The following PDE4D variants were observed in gnomAD, a reference collection of about 807,000 sequenced individuals.
The protein encoded by PDE4D is phosphodiesterase 4D.
A neutral mutation model predicts 87.4 loss-of-function variants in PDE4D; 24 were observed. The ratio of observed to expected loss-of-function variants is 0.27; its 90% CI spans 0.20 to 0.39. PDE4D has a LOEUF of 0.39. Ranked by LOEUF, PDE4D falls within the 10% of genes least tolerant of loss-of-function variation. PDE4D has a pLI of 1.00. For missense variants in PDE4D, 714 were observed against 1,041.0 expected (o/e 0.69, Z 4.32); for synonymous variants, 384 against 383.2 (o/e 1.00, Z -0.02).
chr5:59,154,060 G>C (rs1418498524), intron 5 of PDE4D, among the ~76,000 whole-genome samples: 1 of 152,140 alleles, frequency 6.6e-6, no homozygotes, highest in Non-Finnish European at 1.5e-5. Flanking sequence ...GGCTGGAGAG[G>C]AGGTACAATA....
At chr5:59,011,588 G>A (rs959749883) in intron 6 of PDE4D, among the ~76,000 whole-genome samples, 15 of 152,146 alleles carry the variant, frequency 9.9e-5, no homozygotes, top group Non-Finnish European at 2.1e-4. Context: ...AATGAAGCAA[G>A]AAGAGAAGTT....
intron 1 of PDE4D, among the ~76,000 whole-genome samples, chr5:59,487,797 G>A (rs1805413254): frequency 6.6e-6 from 1 of 152,144 alleles, no homozygotes; most frequent in Non-Finnish European, 1.5e-5. Context: ...CAGACGTTAG[G>A]AGGAGAAATA....
At chr5:59,683,470 T>C (rs1328539369) in intron 1 of PDE4D, among the ~76,000 whole-genome samples, 1 of 152,204 alleles carries the variant, frequency 6.6e-6, no homozygotes, top group Non-Finnish European at 1.5e-5. Flanking sequence ...TGGTGAATGC[T>C]TCAACTAGTT....
At chr5:59,080,506 A>G (rs1190061009) in intron 5 of PDE4D, among the ~76,000 whole-genome samples, 1 of 152,162 alleles carries the variant, frequency 6.6e-6, no homozygotes, top group Non-Finnish European at 1.5e-5. Context: ...ATGGTGAAGA[A>G]GTATCTCTCT....
chr5:59,855,932 CT>C (rs1395367050), intron 1 of PDE4D, among the ~76,000 whole-genome samples: 10 of 152,038 alleles, frequency 6.6e-5, no homozygotes, highest in Non-Finnish European at 1.2e-4. Flanking sequence ...TGCAGGCAAT[CT>C]TTTTTTCTGG....
chr5:60,366,146 C>T (rs1278857241), intron 1 of PDE4D, among the ~76,000 whole-genome samples: 1 of 151,962 alleles, frequency 6.6e-6, no homozygotes, highest in African/African-American at 2.4e-5. Flanking sequence ...ACTTGAGGAG[C>T]TGAGCAGGAA....
At chr5:60,400,169 A>G (rs1740931152) in intron 1 of PDE4D, among the ~76,000 whole-genome samples, 1 of 152,182 alleles carries the variant, frequency 6.6e-6, no homozygotes, top group South Asian at 2.1e-4. Flanking sequence ...CATACTCACT[A>G]CACAAGAATG....
At chr5:60,284,597 C>A (rs1449364926) in intron 1 of PDE4D, among the ~76,000 whole-genome samples, 1 of 152,062 alleles carries the variant, frequency 6.6e-6, no homozygotes, top group African/African-American at 2.4e-5. Flanking sequence ...AAAAGAGGCC[C>A]CGATGATATT....
intron 5 of PDE4D, among the ~76,000 whole-genome samples, chr5:59,112,682 T>C (rs1371575176): frequency 3.3e-5 from 5 of 152,172 alleles, no homozygotes; most frequent in African/African-American, 1.2e-4. Context: ...GAAGAATTTA[T>C]GGTTAGAGCA....
chr5:59,697,861 C>G (rs1007206255), intron 1 of PDE4D, among the ~76,000 whole-genome samples: 10 of 152,176 alleles, frequency 6.6e-5, no homozygotes, highest in Admixed American at 5.9e-4. Flanking sequence ...TGAATTGTCC[C>G]AATGGATCTA....
Position 59,564,573 on chromosome 5 carries a change from G to A in PDE4D, c.455+328595C>T, listed in dbSNP as rs1039254419. ...ACAATCTAGCCAGAAGGACACTCTC[G>A]CCAGCTAGAGCTCTGCATATCCAAA... On this transcript the variant is annotated intron_variant, in intron 1 of 14. Transcript: ENST00000340635. Among the ~76,000 whole-genome samples the A allele has an allele frequency of 5.3e-4, 81 of 152,274 alleles. 1 individual carries two copies. The highest frequency in any genetic ancestry group is 1.8e-3 in the African/African-American group (76 of 41,552).
chr5:59,298,790 AT>A (rs1335318626), intron 1 of PDE4D, among the ~76,000 whole-genome samples: 1 of 152,182 alleles, frequency 6.6e-6, no homozygotes, highest in Non-Finnish European at 1.5e-5. Context: ...AAAAATTTAA[AT>A]TTCCCCCTAT....
chr5:59,855,534 C>A (rs1745299951), intron 1 of PDE4D, among the ~76,000 whole-genome samples: 1 of 152,116 alleles, frequency 6.6e-6, no homozygotes, highest in Non-Finnish European at 1.5e-5. Flanking sequence ...TTATATCCCA[C>A]AGAAAAACCA....
At position 58,969,102 on chromosome 5, in the gene PDE4D, C is replaced by T. The variant is rs1477095221; in HGVS notation, c.*5562G>A. On this transcript the variant is annotated 3_prime_UTR_variant, in exon 15 of 15. Transcript: ENST00000340635. Reference sequence around the variant, plus strand: ...AATATCTTATCAGATTGAATTATATCCAATATCAATTTGATGGCTATATTC... The same window carrying T: ...AATATCTTATCAGATTGAATTATATTCAATATCAATTTGATGGCTATATTC... The T allele has an allele frequency of 6.6e-6, 1 of 152,114 alleles. No individual in the cohort carries two copies. The highest frequency in any genetic ancestry group is 2.4e-5 in the African/African-American group (1 of 41,420). The allele number at this position is 152,114 out of a possible 1,614,324, so 9.4% of individuals were successfully genotyped here. A position where few individuals can be genotyped will look rare whatever the true frequency, so the allele number is the denominator to read the frequency against.
intron 1 of PDE4D, among the ~76,000 whole-genome samples, chr5:59,554,641 T>C (rs374729982): frequency 1.2e-4 from 18 of 152,190 alleles, no homozygotes; most frequent in African/African-American, 4.3e-4. Context: ...GTGTCATCTA[T>C]GCTGAATCTC....
intron 1 of PDE4D, among the ~76,000 whole-genome samples, chr5:59,340,602 C>T (rs1361112212): frequency 6.6e-6 from 1 of 152,080 alleles, no homozygotes; most frequent in Non-Finnish European, 1.5e-5. Flanking sequence ...GTCTTTTGTG[C>T]TATCAAATAC....
chr5:59,504,143 G>T (rs1808811816), intron 1 of PDE4D, among the ~76,000 whole-genome samples: 1 of 152,118 alleles, frequency 6.6e-6, no homozygotes, highest in Non-Finnish European at 1.5e-5. Flanking sequence ...AATGTCATGT[G>T]TACCAGAATT....
At chr5:59,060,687 G>A (rs1377839594) in intron 5 of PDE4D, among the ~76,000 whole-genome samples, 1 of 152,092 alleles carries the variant, frequency 6.6e-6, no homozygotes, top group Admixed American at 6.6e-5. Flanking sequence ...TGTTCACATA[G>A]GCCAGGCTGA....
chr5:59,597,514 T>TGAGA (rs1044472919), intron 1 of PDE4D, among the ~76,000 whole-genome samples: 6 of 150,204 alleles, frequency 4.0e-5, no homozygotes, highest in Non-Finnish European at 8.9e-5. Flanking sequence ...TAAGGAGAGG[T>TGAGA]GAGAGAGAGA....
Sources: allele counts gnomAD v4.1 joint callset (sites outside exome capture counted in the v4.1 genomes callset), GRCh38; gene constraint gnomAD v4.1.1; transcripts MANE v1.5; gene names NCBI Gene and HGNC (gene_info 2026-07-23, HGNC 2026-07-21).